MACF1: variants seen among roughly 807,000 people sequenced by gnomAD.
MACF1 encodes microtubule-actin cross-linking factor 1.
MACF1 carries 193 observed loss-of-function variants against 854.8 expected under a neutral mutation model. The observed-to-expected ratio is 0.23, with a 90% CI of 0.20 to 0.25. The LOEUF (loss-of-function observed/expected upper bound fraction) is 0.25, where lower values mean the gene tolerates loss of function less well. Among genes scored for constraint, MACF1 ranks in the 10% least tolerant of loss-of-function variants. The pLI is 1.00. For missense variants in MACF1, 7,722 were observed against 8,929.1 expected, an observed-to-expected ratio of 0.86 and a Z score of 5.45; for synonymous variants, 3,185 against 3,226.7, an observed-to-expected ratio of 0.99 and a Z score of 0.44.
chr1:39,338,060 C>T (rs1252388094), intron 38 of MACF1, among the ~76,000 whole-genome samples: 2 of 152,124 alleles, frequency 1.3e-5, no homozygotes, highest in Admixed American at 6.5e-5. Flanking sequence ...TGAGCCACCA[C>T]GCCCGGCCCT....
chr1:39,459,357 T>C (rs1644504579), intron 91 of MACF1, 108 bp downstream of exon 91: 1 of 1,225,670 alleles, frequency 8.2e-7, no homozygotes, highest in Admixed American at 3.0e-5. Context: ...ATTTACTTTT[T>C]CACAATAGAA....
At chr1:39,205,164 C>G in intron 1 of MACF1, 33 bp downstream of exon 1, 1 of 702,686 alleles carries the variant, frequency 1.4e-6, no homozygotes, top group Non-Finnish European at 2.6e-6. Flanking sequence ...TTCTTTAAAT[C>G]TACTGTGGGG....
intron 14 of MACF1, 83 bp from the exon 15 acceptor site, chr1:39,287,203 G>A: frequency 7.2e-7 from 1 of 1,394,196 alleles, no homozygotes; most frequent in Non-Finnish European, 9.8e-7. Flanking sequence ...TCATATCTTT[G>A]TCAAATGGAT....
intron 2 of MACF1, among the ~76,000 whole-genome samples, chr1:39,115,478 A>G (rs1642519843): frequency 6.6e-6 from 1 of 152,082 alleles, no homozygotes; most frequent in African/African-American, 2.4e-5. Context: ...TAGAGAATAT[A>G]AGAGGAGGAA....
At chr1:39,134,341 C>T (rs1047788779) in intron 2 of MACF1, among the ~76,000 whole-genome samples, 4 of 152,042 alleles carry the variant, frequency 2.6e-5, no homozygotes, top group South Asian at 2.1e-4. Context: ...CTACCGCACC[C>T]GGCCAGAAGA....
intron 49 of MACF1, 85 bp downstream of exon 49, chr1:39,361,762 C>T (rs1648204509): frequency 1.6e-6 from 2 of 1,273,792 alleles, no homozygotes; most frequent in Non-Finnish European, 2.2e-6. Flanking sequence ...CATACTACAT[C>T]AGTCAGTATA....
chr1:39,469,752 T>C (rs550027233), intron 97 of MACF1, 137 bp downstream of exon 97: 4 of 684,378 alleles, frequency 5.8e-6, no homozygotes, highest in Non-Finnish European at 1.0e-5. Flanking sequence ...CCATAGCTTT[T>C]CTAACTACTC....
At chr1:39,157,891 A>G (rs945119328) in intron 2 of MACF1, among the ~76,000 whole-genome samples, 1 of 152,106 alleles carries the variant, frequency 6.6e-6, no homozygotes, top group East Asian at 1.9e-4. Context: ...GAGTTTTTGT[A>G]GAGACGGGGT....
intron 74 of MACF1, 96 bp from the exon 75 acceptor site, chr1:39,441,856 G>C: frequency 2.2e-6 from 2 of 890,272 alleles, no homozygotes; most frequent in Non-Finnish European, 3.7e-6. Flanking sequence ...AAGGTGCTTT[G>C]ATTGATTTAT....
chr1:39,166,250 T>A (rs1557493033), intron 2 of MACF1, among the ~76,000 whole-genome samples: 1 of 151,788 alleles, frequency 6.6e-6, no homozygotes, highest in Admixed American at 6.6e-5. Flanking sequence ...GTATTTTCAG[T>A]AGAGATGGGG....
At chr1:39,372,668 T>A in intron 52 of MACF1, 72 bp downstream of exon 52, 1 of 963,618 alleles carries the variant, frequency 1.0e-6, no homozygotes, top group Non-Finnish European at 1.7e-6. Context: ...GATGCCTCCT[T>A]ATATAATTAA....
upstream of MACF1, among the ~76,000 whole-genome samples, chr1:39,203,910 A>G (rs1644421259): frequency 6.6e-6 from 1 of 152,164 alleles, no homozygotes; most frequent in African/African-American, 2.4e-5. Flanking sequence ...AAACATTCAT[A>G]TACAGGTCTT....
chr1:39,158,949 C>T (rs887186968), intron 2 of MACF1, among the ~76,000 whole-genome samples: 1 of 152,156 alleles, frequency 6.6e-6, no homozygotes, highest in Non-Finnish European at 1.5e-5. Context: ...AGCCAGTGAA[C>T]CAACTCAACT....
chr1:39,378,347 TGTTAACTTCCTGATA>T (rs1460490517), intron 52 of MACF1, 99 bp from the exon 53 acceptor site: 1 of 704,810 alleles, frequency 1.4e-6, no homozygotes, highest in African/African-American at 1.7e-5. Context: ...TCTTGTGCTG[TGTTAACTTCCTGATA>T]CCTAAGCTTA....
At chr1:39,253,159 G>C (rs547501320) in intron 4 of MACF1, among the ~76,000 whole-genome samples, 1 of 152,308 alleles carries the variant, frequency 6.6e-6, no homozygotes, top group African/African-American at 2.4e-5. Flanking sequence ...GTGATACTCA[G>C]TAGGCAAAGA....
chr1:39,234,879 C>T (rs1644840006), intron 2 of MACF1, among the ~76,000 whole-genome samples: 1 of 132,494 alleles, frequency 7.5e-6, no homozygotes, highest in Admixed American at 7.9e-5. Flanking sequence ...GGCGGCGGGG[C>T]AGAGGCGCTC....
rs1381236585 is a variant in MACF1, at chr1:39,257,970, C to T, written c.470C>T (p.Thr157Ile). ...KLVNIRNDDI[T>I]DGNPKLTLGL... ...GTGAATATTCGCAATGATGACATCA[C>T]AGATGGCAACCCCAAGTTGACCCTG... The change falls in exon 6 of 101, where the codon ACA (threonine) becomes ATA (isoleucine). Residue 157 changes from threonine (T) to isoleucine (I), a missense_variant. By Grantham distance (89) the Thr-to-Ile change is moderately conservative. Coordinates refer to ENST00000564288, the MANE Select transcript of MACF1 (RefSeq NM_001394062.1). 17 of 1,613,946 alleles carry T rather than the reference C, an allele frequency of 1.1e-5. No individual in the cohort carries two copies. The highest frequency in any genetic ancestry group is 1.7e-5 in the Admixed American group (1 of 59,998).
intron 21 of MACF1, among the ~76,000 whole-genome samples, chr1:39,298,401 G>GA (rs1288914789): frequency 6.6e-6 from 1 of 152,166 alleles, no homozygotes; most frequent in African/African-American, 2.4e-5. Context: ...TAAATTAGCA[G>GA]AAAGACTACT....
intron 97 of MACF1, among the ~76,000 whole-genome samples, chr1:39,477,049 A>G (rs1210812623): frequency 0.011 from 73 of 6,490 alleles, no homozygotes; most frequent in African/African-American, 0.024. Context: ...CTTAGTGTAT[A>G]TATATATATA....
Sources: gnomAD v4.1 joint callset for allele counts (sites outside exome capture counted in the v4.1 genomes callset) on GRCh38, gnomAD v4.1.1 for gene constraint, MANE v1.5 for transcripts, NCBI Gene and HGNC (gene_info 2026-07-23, HGNC 2026-07-21) for gene names.